CAMTA1: variants seen among roughly 807,000 people sequenced by gnomAD.
CAMTA1 encodes the protein calmodulin binding transcription activator 1.
In CAMTA1, 27 loss-of-function variants were observed where a neutral mutation model predicts 170.9. The ratio of observed to expected loss-of-function variants is 0.16; its 90% CI spans 0.12 to 0.22. CAMTA1 has a LOEUF of 0.22. CAMTA1 is among the 10% of genes least tolerant of loss of function. CAMTA1 has a pLI of 1.00. For missense variants in CAMTA1, 1,619 were observed against 2,217.2 expected (o/e 0.73, Z 5.42); for synonymous variants, 833 against 891.5 (o/e 0.93, Z 1.17).
At chr1:7,145,275 C>T (rs1288372549) in intron 4 of CAMTA1, among the ~76,000 whole-genome samples, 5 of 152,224 alleles carry the variant, frequency 3.3e-5, no homozygotes, top group Admixed American at 6.5e-5. Flanking sequence ...TGGGATTCCA[C>T]GTGCCTCTTT....
intron 6 of CAMTA1, among the ~76,000 whole-genome samples, chr1:7,503,354 G>A (rs547864628): frequency 2.0e-5 from 3 of 152,306 alleles, no homozygotes; most frequent in Admixed American, 6.5e-5. Flanking sequence ...GTGTGCTTAC[G>A]AAGGGGCTTT....
At chr1:7,046,321 C>T (rs1166357042) in intron 3 of CAMTA1, among the ~76,000 whole-genome samples, 1 of 152,186 alleles carries the variant, frequency 6.6e-6, no homozygotes, top group Non-Finnish European at 1.5e-5. Flanking sequence ...TTCTGGCTGG[C>T]TTGGTTGGAC....
At chr1:7,084,108 GTATAGAC>G (rs1224950877) in intron 3 of CAMTA1, among the ~76,000 whole-genome samples, 1 of 151,898 alleles carries the variant, frequency 6.6e-6, no homozygotes, top group Non-Finnish European at 1.5e-5. Flanking sequence ...ATCTGAGACT[GTATAGAC>G]TATAGAGAGA....
rs542459747 is a variant in CAMTA1, at chr1:7,691,177, C to G, written c.2914+13444C>G. On this transcript the variant is annotated intron_variant, in intron 11 of 22. Transcript: ENST00000303635. ...GAAGAAATGACCCCCAAACCAAGAGCTGAACGATGAGCACAAGTTAACTCC... is the reference window on the plus strand; with the variant it reads ...GAAGAAATGACCCCCAAACCAAGAGGTGAACGATGAGCACAAGTTAACTCC... Among the ~76,000 whole-genome samples the G allele has an allele frequency of 3.3e-5, 5 of 152,232 alleles. No homozygotes were observed. In the South Asian group the frequency reaches 1.0e-3, roughly 32 times the overall value.
rs1023118913 is a variant in CAMTA1 at position 7,677,294 on chromosome 1, T to A, written c.2780-305T>A. Among the ~76,000 whole-genome samples, 3 of 152,114 alleles carry A rather than the reference T, an allele frequency of 2.0e-5. No homozygotes were observed. In the East Asian group the frequency reaches 5.8e-4, roughly 29 times the overall value. ...GCAGGGATGGGGGCCATTCACTCAT[T>A]CACTTGTTCAGCCAGTCTGTACTGA... On this transcript the variant is annotated intron_variant, in intron 10 of 22. Transcript: ENST00000303635.
At chr1:7,335,081 C>T (rs1316900597) in intron 5 of CAMTA1, among the ~76,000 whole-genome samples, 1 of 97,146 alleles carries the variant, frequency 1.0e-5, no homozygotes, top group African/African-American at 4.0e-5. Flanking sequence ...CTTTACTGGA[C>T]CTATATACTA....
At chr1:7,477,007 G>A (rs1012893134) in intron 6 of CAMTA1, among the ~76,000 whole-genome samples, 2 of 152,188 alleles carry the variant, frequency 1.3e-5, no homozygotes, top group African/African-American at 2.4e-5. Context: ...CACAGACCTT[G>A]CAGGAAAGAC....
intron 3 of CAMTA1, among the ~76,000 whole-genome samples, chr1:7,004,286 C>A (rs1698660883): frequency 6.6e-6 from 1 of 152,064 alleles, no homozygotes; most frequent in South Asian, 2.1e-4. Context: ...ATATCCATTG[C>A]ATTTCAATTG....
At chr1:7,474,860 C>G (rs1361842193) in intron 6 of CAMTA1, among the ~76,000 whole-genome samples, 9 of 152,226 alleles carry the variant, frequency 5.9e-5, no homozygotes, top group African/African-American at 2.2e-4. Flanking sequence ...GAAGTGCAGC[C>G]TCTCCCCGCA....
At chr1:7,483,733 T>G (rs537993153) in intron 6 of CAMTA1, among the ~76,000 whole-genome samples, 2 of 152,210 alleles carry the variant, frequency 1.3e-5, no homozygotes, top group South Asian at 2.1e-4. Flanking sequence ...CGTCCCACCC[T>G]GGGGAGGGAA....
chr1:7,594,127 GAA>G lies in CAMTA1; in HGVS notation c.511-46271_511-46270del, dbSNP rs2095376598. Among the ~76,000 whole-genome samples the G allele has an allele frequency of 4.1e-5, 6 of 144,844 alleles. No homozygotes were observed. The South Asian group carries it at 1.3e-3, about 32-fold the overall frequency. ...AGAAAGAAAGAAAGAGAGAAAGAAAGAAAGAAAGAAAGAAGGAAGGAAGGAAA... is the reference window on the plus strand; with the variant it reads ...AGAAAGAAAGAAAGAGAGAAAGAAAGAGAAAGAAAGAAGGAAGGAAGGAAA... On this transcript the variant is annotated intron_variant, in intron 6 of 22. Coordinates refer to ENST00000303635, the MANE Select transcript of CAMTA1 (RefSeq NM_015215.4).
chr1:6,984,674 C>T lies in CAMTA1; in HGVS notation c.235-106630C>T, dbSNP rs1695063731. Among the ~76,000 whole-genome samples the T allele has an allele frequency of 2.0e-5, 3 of 152,338 alleles. No individual in the cohort carries two copies. In the South Asian group the frequency reaches 6.2e-4, roughly 32 times the overall value. On this transcript the variant is annotated intron_variant, in intron 3 of 22. Transcript: ENST00000303635. The stretch of plus-strand genomic sequence containing the variant: ...GTCTCCTGGGTGAGTAGGCTTCAGG[C>T]AGGACCTGGGCCAGTGGCCGGATGG...
At chr1:7,180,433 A>C (rs1178152916) in intron 4 of CAMTA1, among the ~76,000 whole-genome samples, 1 of 151,772 alleles carries the variant, frequency 6.6e-6, no homozygotes, top group African/African-American at 2.4e-5. Context: ...TGGTATAGGA[A>C]GCTTAAAGCT....
chr1:7,310,154 C>T (rs954045727), intron 5 of CAMTA1, among the ~76,000 whole-genome samples: 1 of 152,158 alleles, frequency 6.6e-6, no homozygotes, highest in Non-Finnish European at 1.5e-5. Flanking sequence ...ATGATATTGT[C>T]CTAATTTTAC....
chr1:7,233,175 A>C (rs940741852), intron 4 of CAMTA1, among the ~76,000 whole-genome samples: 10 of 152,224 alleles, frequency 6.6e-5, no homozygotes, highest in African/African-American at 2.4e-4. Context: ...GAGATGACAC[A>C]TTAATTTTCT....
chr1:7,144,017 G>T lies in CAMTA1; in HGVS notation c.302+52646G>T, dbSNP rs916918289. ...TGTTGTTTGAGATACACCACTTTTT[G>T]AATCTAGGTATGCAATTTTAATTGC... On this transcript the variant is annotated intron_variant, in intron 4 of 22. Transcript: ENST00000303635. The surrounding 1 kb of genome is among the most constrained non-coding windows in gnomAD (Gnocchi z 4.0). Among the ~76,000 whole-genome samples the T allele has an allele frequency of 3.9e-5, 6 of 152,138 alleles. No homozygotes were observed. Among genetic ancestry groups the T allele is most frequent in the African/African-American group, 1.4e-4 (6 of 41,420 alleles).
chr1:6,911,235 AGGCT>A (rs1438688457), intron 3 of CAMTA1, among the ~76,000 whole-genome samples: 1 of 152,184 alleles, frequency 6.6e-6, no homozygotes, highest in African/African-American at 2.4e-5. Flanking sequence ...GGCAAATGGC[AGGCT>A]GGCTCTGTGA....
intron 4 of CAMTA1, among the ~76,000 whole-genome samples, chr1:7,145,555 C>T (rs560501929): frequency 1.3e-5 from 2 of 152,320 alleles, no homozygotes; most frequent in East Asian, 1.9e-4. Context: ...TGAGCTGGAG[C>T]TGGGCCCAAG....
intron 5 of CAMTA1, among the ~76,000 whole-genome samples, chr1:7,309,561 AG>A (rs1676147326): frequency 1.3e-5 from 2 of 151,918 alleles, no homozygotes; most frequent in Non-Finnish European, 2.9e-5. Context: ...GGCCTCCCAA[AG>A]TGCTGGGATT....
Sources: gnomAD v4.1 joint callset for allele counts (sites outside exome capture counted in the v4.1 genomes callset) on GRCh38, gnomAD v4.1.1 for gene constraint, Gnocchi (gnomAD v3.1) non-coding constraint, MANE v1.5 for transcripts, NCBI Gene and HGNC (gene_info 2026-07-23, HGNC 2026-07-21) for gene names.